FMNL2: variants seen among roughly 807,000 people sequenced by gnomAD.
FMNL2 encodes formin like 2.
In FMNL2, 51 loss-of-function variants were observed where a neutral mutation model predicts 130.2. The ratio of observed to expected loss-of-function variants is 0.39; its 90% CI spans 0.31 to 0.49. FMNL2 has a LOEUF of 0.49. FMNL2 is among the 20% of genes least tolerant of loss of function. The pLI, the probability that FMNL2 is intolerant of heterozygous loss-of-function variation, is 0.85. For missense variants in FMNL2, 977 were observed against 1,316.2 expected, an observed-to-expected ratio of 0.74 and a Z score of 3.99; for synonymous variants, 465 against 467.1, an observed-to-expected ratio of 1.00 and a Z score of 0.06.
At chr2:152,513,347 A>G (rs1178227991) in intron 1 of FMNL2, among the ~76,000 whole-genome samples, 3 of 152,222 alleles carry the variant, frequency 2.0e-5, no homozygotes, top group African/African-American at 4.8e-5. Context: ...AATGTTAACT[A>G]TACAATACAG....
chr2:152,519,508 T>C (rs1049957978), intron 1 of FMNL2, among the ~76,000 whole-genome samples: 1 of 152,240 alleles, frequency 6.6e-6, no homozygotes, highest in African/African-American at 2.4e-5. Context: ...TGCCAAGTGC[T>C]TCCACGGGAA....
Position 152,636,610 on chromosome 2 carries a change from A to G in FMNL2, c.2844+20A>G. 1 of 1,551,166 alleles carries G rather than the reference A, an allele frequency of 6.4e-7. No individual in the cohort carries two copies. The highest frequency in any genetic ancestry group is 8.7e-7 in the Non-Finnish European group (1 of 1,147,254). ...GCACAGGCAAGTATTGGTGCCCCTG[A>G]AACCTGTGAAGAGGCTGCATCCATT... On this transcript the variant is annotated intron_variant, in intron 22 of 25. Transcript: ENST00000288670.
At chr2:152,343,027 A>G (rs865850795) in intron 1 of FMNL2, among the ~76,000 whole-genome samples, 1 of 152,212 alleles carries the variant, frequency 6.6e-6, no homozygotes, top group East Asian at 1.9e-4. Context: ...GACAAACTTC[A>G]TATAGTTTCT....
At chr2:152,636,068 G>A (rs968168912) in intron 21 of FMNL2, among the ~76,000 whole-genome samples, 1 of 152,140 alleles carries the variant, frequency 6.6e-6, no homozygotes, top group Admixed American at 6.5e-5. Flanking sequence ...GGCTATTCTT[G>A]TAAGAGAAAT....
At chr2:152,395,470 A>G (rs1319370990) in intron 1 of FMNL2, among the ~76,000 whole-genome samples, 1 of 152,210 alleles carries the variant, frequency 6.6e-6, no homozygotes, top group African/African-American at 2.4e-5. Context: ...TTCTTAGGAA[A>G]CTTGTTCCCA....
Position 152,363,041 on chromosome 2 carries a change from G to T in FMNL2, c.117+27321G>T, listed in dbSNP as rs1234620286. On this transcript the variant is annotated intron_variant, in intron 1 of 25. Transcript: ENST00000288670. ...TGCCTAGGGCTAGAGACCCTGTGAG[G>T]ATTGGAGTGGTTGATAGCTGAAGGG... is the stretch of plus-strand genomic sequence containing the variant. Among the ~76,000 whole-genome samples the T allele has an allele frequency of 2.6e-5, 4 of 152,334 alleles. No individual in the cohort carries two copies. In the East Asian group the frequency reaches 7.7e-4, roughly 29 times the overall value.
At chr2:152,622,602 T>A (rs1173678008) in intron 15 of FMNL2, 1 of 456,734 alleles carries the variant, frequency 2.2e-6, no homozygotes, top group Admixed American at 2.3e-5. Context: ...GCCATGTGTT[T>A]CTGTTGGTCA....
chr2:152,373,481 G>A (rs971881794), intron 1 of FMNL2, among the ~76,000 whole-genome samples: 1 of 152,110 alleles, frequency 6.6e-6, no homozygotes, highest in Admixed American at 6.5e-5. Context: ...GGGTTCTGGG[G>A]GATTGGTCTC....
intron 4 of FMNL2, among the ~76,000 whole-genome samples, chr2:152,553,173 A>G (rs916660621): frequency 1.8e-4 from 27 of 152,204 alleles, no homozygotes; most frequent in African/African-American, 6.5e-4. Context: ...GAGCCAGGCC[A>G]AAAGAAGAAA....
intron 9 of FMNL2, among the ~76,000 whole-genome samples, chr2:152,601,671 C>CTTTTTTTTTTTTTT (rs34914295): frequency 2.9e-5 from 3 of 103,470 alleles, no homozygotes; most frequent in South Asian, 3.1e-4. Context: ...TCTTTTCTTT[C>CTTTTTTTTTTTTTT]TTTTTTTTTT....
chr2:152,583,082 G>A (rs1696881706), intron 9 of FMNL2, among the ~76,000 whole-genome samples: 1 of 152,172 alleles, frequency 6.6e-6, no homozygotes, highest in Admixed American at 6.5e-5. Context: ...ATATGCTTTA[G>A]CTATTTAGGG....
At chr2:152,620,373 G>A (rs567121055) in intron 15 of FMNL2, among the ~76,000 whole-genome samples, 71 of 152,228 alleles carry the variant, frequency 4.7e-4, no homozygotes, top group Non-Finnish European at 6.8e-4. Flanking sequence ...GAAATAAAAT[G>A]GGAGGTAGGG....
intron 25 of FMNL2, among the ~76,000 whole-genome samples, chr2:152,647,338 C>G (rs1683676217): frequency 6.6e-6 from 1 of 152,148 alleles, no homozygotes; most frequent in Admixed American, 6.5e-5. Context: ...TATCTGCAAA[C>G]TGAAGGTCTT....
chr2:152,485,318 C>T lies in FMNL2; in HGVS notation c.118-36625C>T, dbSNP rs187186534. Among the ~76,000 whole-genome samples the T allele has an allele frequency of 4.8e-3, 733 of 152,306 alleles. 3 individuals carry two copies. Among genetic ancestry groups the T allele is most frequent in the African/African-American group, 0.017 (695 of 41,578 alleles). ...CCATCCTGGCCAACATGATGAAACCCCGTCTCTACTAAAAATACAAAAATT... is the reference window on the plus strand; with the variant it reads ...CCATCCTGGCCAACATGATGAAACCTCGTCTCTACTAAAAATACAAAAATT... On this transcript the variant is annotated intron_variant, in intron 1 of 25. Coordinates refer to ENST00000288670, the MANE Select transcript of FMNL2 (RefSeq NM_052905.4).
intron 20 of FMNL2, 51 bp from the exon 21 acceptor site, chr2:152,631,957 T>C: frequency 6.4e-7 from 1 of 1,562,750 alleles, no homozygotes; most frequent in Admixed American, 1.9e-5. Context: ...GGGGTAAGTG[T>C]CTTGTTACCC....
chr2:152,433,642 A>G (rs1014125630), intron 1 of FMNL2, among the ~76,000 whole-genome samples: 4 of 152,178 alleles, frequency 2.6e-5, no homozygotes, highest in African/African-American at 4.8e-5. Context: ...GAACAGCTGG[A>G]CAAAGTAAAT....
intron 1 of FMNL2, among the ~76,000 whole-genome samples, chr2:152,420,052 C>A (rs748211978): frequency 6.6e-6 from 1 of 152,130 alleles, no homozygotes; most frequent in Non-Finnish European, 1.5e-5. Context: ...AACTTGTCCC[C>A]TGCAGGCCAG....
intron 1 of FMNL2, among the ~76,000 whole-genome samples, chr2:152,516,753 G>A (rs6434081): frequency 0.44 from 66,880 of 151,856 alleles, 16,053 homozygotes; most frequent in Non-Finnish European, 0.56. Flanking sequence ...TACCACATAG[G>A]TCTATTTGGT....
intron 3 of FMNL2, among the ~76,000 whole-genome samples, chr2:152,543,857 A>G (rs1161358496): frequency 6.6e-6 from 1 of 151,974 alleles, no homozygotes; most frequent in African/African-American, 2.4e-5. Flanking sequence ...TGATGATGAC[A>G]GTGTAGTGCA....
Sources: allele counts gnomAD v4.1 joint callset (sites outside exome capture counted in the v4.1 genomes callset), GRCh38; gene constraint gnomAD v4.1.1; transcripts MANE v1.5; gene names NCBI Gene and HGNC (gene_info 2026-07-23, HGNC 2026-07-21).